Variants in DZIP3 observed in about 807,000 individuals in gnomAD.
DZIP3 encodes DAZ interacting zinc finger protein 3, also known as E3 ubiquitin-protein ligase DZIP3.
DZIP3 carries 118 observed loss-of-function variants against 162.0 expected under a neutral mutation model. The ratio of observed to expected loss-of-function variants is 0.73; its 90% confidence interval spans 0.63 to 0.85. DZIP3 has a LOEUF of 0.85. Among genes scored for constraint, DZIP3 ranks in the 40% least tolerant of loss-of-function variants. The pLI is 0.00. For missense variants in DZIP3, 1,331 were observed against 1,407.0 expected (o/e 0.95, Z 0.86); for synonymous variants, 438 against 458.6 (o/e 0.96, Z 0.57).
intron 21 of DZIP3, among the ~76,000 whole-genome samples, chr3:108,669,281 AATACC>A (rs1943823865): frequency 6.6e-6 from 1 of 151,968 alleles, no homozygotes; most frequent in African/African-American, 2.4e-5. Context: ...GACTTGATAT[AATACC>A]ACTTTAAGGA....
chr3:108,657,391 C>A (rs558692482), intron 19 of DZIP3, among the ~76,000 whole-genome samples: 4 of 152,216 alleles, frequency 2.6e-5, no homozygotes, highest in Admixed American at 2.0e-4. Context: ...CCAAACTAAG[C>A]TTCATAAGTA....
chr3:108,663,524 C>G (rs1429215048), intron 21 of DZIP3, among the ~76,000 whole-genome samples: 1 of 150,662 alleles, frequency 6.6e-6, no homozygotes, highest in South Asian at 2.1e-4. Context: ...CCGTTGCACT[C>G]CAGTCTGGGG....
At chr3:108,685,631 C>T (rs1459439786) in intron 27 of DZIP3, among the ~76,000 whole-genome samples, 1 of 152,182 alleles carries the variant, frequency 6.6e-6, no homozygotes, top group Admixed American at 6.5e-5. Context: ...GTCACTACAA[C>T]TTCTGCACCA....
At chr3:108,591,978 C>CAAAAAA (rs34569028) in intron 1 of DZIP3, among the ~76,000 whole-genome samples, 1 of 110,384 alleles carries the variant, frequency 9.1e-6, no homozygotes, top group African/African-American at 3.2e-5. Flanking sequence ...GAGACCCTGT[C>CAAAAAA]AAAAAAAAAA....
At chr3:108,634,270 C>G (rs527448712) in intron 9 of DZIP3, among the ~76,000 whole-genome samples, 1 of 152,142 alleles carries the variant, frequency 6.6e-6, no homozygotes, top group East Asian at 1.9e-4. Flanking sequence ...CTCAAGAATG[C>G]TTTAGGGTTC....
chr3:108,694,839 AAC>A (rs1354106358), exon 33 of DZIP3: 5 of 152,228 alleles, frequency 3.3e-5, no homozygotes, highest in Non-Finnish European at 7.3e-5. Context: ...TTCTTAATTG[AAC>A]AACTATTTTA....
intron 19 of DZIP3, among the ~76,000 whole-genome samples, chr3:108,658,338 A>G (rs1372890954): frequency 6.6e-6 from 1 of 152,166 alleles, no homozygotes; most frequent in African/African-American, 2.4e-5. Flanking sequence ...TAAGAAACTC[A>G]CTCAAAACCG....
intron 8 of DZIP3, among the ~76,000 whole-genome samples, chr3:108,630,216 T>A (rs1457959268): frequency 6.6e-6 from 1 of 152,110 alleles, no homozygotes; most frequent in African/African-American, 2.4e-5. Context: ...TTAATTTGTT[T>A]AATATGAACA....
At chr3:108,640,254 C>G (rs1008300438) in intron 12 of DZIP3, among the ~76,000 whole-genome samples, 7 of 151,652 alleles carry the variant, frequency 4.6e-5, no homozygotes, top group Non-Finnish European at 5.9e-5. Context: ...TTTCAGCATT[C>G]TATGTCATTT....
intron 24 of DZIP3, among the ~76,000 whole-genome samples, chr3:108,674,581 T>C (rs1413037444): frequency 6.6e-6 from 1 of 151,940 alleles, no homozygotes; most frequent in Non-Finnish European, 1.5e-5. Flanking sequence ...ACAAGGTGGA[T>C]TCTAATTGGA....
At chr3:108,602,638 C>G (rs1334485507) in intron 1 of DZIP3, among the ~76,000 whole-genome samples, 1 of 151,738 alleles carries the variant, frequency 6.6e-6, no homozygotes, top group Non-Finnish European at 1.5e-5. Context: ...TCTTTTTTTT[C>G]CTTCATGTTA....
intron 3 of DZIP3, 27 bp from the exon 4 acceptor site, chr3:108,611,147 A>G (rs1940683323): frequency 6.4e-7 from 1 of 1,550,984 alleles, no homozygotes; most frequent in African/African-American, 1.4e-5. Flanking sequence ...CAAACTGTGT[A>G]AATTTTTAAT....
In DZIP3 at chr3:108,674,101, G is replaced by C. The variant is rs1383056076; in HGVS notation, c.2613G>C (p.Arg871Ser). The change falls in exon 24 of 33, where the codon AGG becomes AGC. Residue 871 changes from arginine (R) to serine (S), a missense_variant. Transcript: ENST00000361582. ...AGGTGTATTTCTTACAGTGTCGTAG[G>C]GATTTTGGTTTGCTTCATCTAGAGC... The part of the protein sequence containing the change: ...TAEVYFLQCR[R>S]DFGLLHLEQT... The C allele has an allele frequency of 3.1e-6, 5 of 1,611,840 alleles. No homozygotes were observed. The Admixed American group carries it at 8.4e-5, about 27-fold the overall frequency.
chr3:108,597,943 A>G (rs1939795337), intron 1 of DZIP3, among the ~76,000 whole-genome samples: 1 of 152,212 alleles, frequency 6.6e-6, no homozygotes, highest in Non-Finnish European at 1.5e-5. Flanking sequence ...TTGAGAGATC[A>G]TTTAGCCAGG....
At chr3:108,631,055 A>ACACACACACATACACACTCT in intron 8 of DZIP3, among the ~76,000 whole-genome samples, 1 of 18,014 alleles carries the variant, frequency 5.6e-5, no homozygotes, top group African/African-American at 2.8e-4. Flanking sequence ...ACACACACAC[A>ACACACACACATACACACTCT]CTCTCTCTCT....
intron 19 of DZIP3, among the ~76,000 whole-genome samples, chr3:108,657,570 A>C (rs903944180): frequency 6.6e-6 from 1 of 152,222 alleles, no homozygotes; most frequent in African/African-American, 2.4e-5. Context: ...GCTAGGAAGA[A>C]ACTGCATCAA....
intron 21 of DZIP3, among the ~76,000 whole-genome samples, chr3:108,668,912 T>C (rs1230442658): frequency 2.0e-5 from 3 of 152,034 alleles, no homozygotes; most frequent in Non-Finnish European, 2.9e-5. Flanking sequence ...AGAAATGTGC[T>C]TTTATTATAA....
At chr3:108,663,491 G>A (rs945493112) in intron 21 of DZIP3, among the ~76,000 whole-genome samples, 3 of 151,768 alleles carry the variant, frequency 2.0e-5, no homozygotes, top group Non-Finnish European at 4.4e-5. Context: ...AGGAGGCGGA[G>A]GTTGCAGTGA....
In DZIP3 at chr3:108,661,889, AAAGT is replaced by A; in HGVS notation, c.2215_2218del (p.Val739LeufsTer32). 1 of 1,613,622 alleles carries A rather than the reference AAAGT, an allele frequency of 6.2e-7. No homozygotes were observed. Among genetic ancestry groups the A allele is most frequent in the Non-Finnish European group, 8.5e-7 (1 of 1,179,812 alleles). ...CTGTGCTCAATAGGGCTCAGCTGGCAAAGTAACTACAGACTATGGAGAAACTGAA... is the reference window on the plus strand; with the variant it reads ...CTGTGCTCAATAGGGCTCAGCTGGCAAACTACAGACTATGGAGAAACTGAA... On this transcript the variant is annotated frameshift_variant, in exon 20 of 33. Transcript: ENST00000361582. LOFTEE classifies it high-confidence loss of function.
Sources: gnomAD v4.1 joint callset for allele counts (sites outside exome capture counted in the v4.1 genomes callset) on GRCh38, gnomAD v4.1.1 for gene constraint, MANE v1.5 for transcripts, NCBI Gene and HGNC (gene_info 2026-07-23, HGNC 2026-07-21) for gene names.